MCF2L: variants seen among roughly 807,000 people sequenced by gnomAD.
The protein encoded by MCF2L is guanine nucleotide exchange factor DBS.
Under a neutral mutation model 153.4 loss-of-function variants are expected in MCF2L, and 97 were observed. The observed-to-expected ratio is 0.63, with a 90% CI of 0.54 to 0.75. The LOEUF (loss-of-function observed/expected upper bound fraction) is 0.75, where lower values mean the gene tolerates loss of function less well. Ranked by LOEUF, MCF2L falls within the 30% of genes least tolerant of loss-of-function variation. MCF2L has a pLI of 0.00. For missense variants in MCF2L, 1,347 were observed against 1,495.2 expected (o/e 0.90, Z 1.64); for synonymous variants, 659 against 632.2 (o/e 1.04, Z -0.64).
intron 1 of MCF2L, among the ~76,000 whole-genome samples, chr13:112,978,687 C>T (rs1330344633): frequency 6.6e-6 from 1 of 152,232 alleles, no homozygotes; most frequent in Non-Finnish European, 1.5e-5. Context: ...TCTTTTGCTG[C>T]AAACCAGATG....
chr13:113,001,585 C>T, intron 1 of MCF2L: 2 of 803,804 alleles, frequency 2.5e-6, no homozygotes, highest in Non-Finnish European at 3.3e-6. Flanking sequence ...TGTGGGGCCC[C>T]TGCAGGGAGG....
intron 3 of MCF2L, among the ~76,000 whole-genome samples, chr13:113,030,460 G>A (rs574304254): frequency 1.4e-5 from 2 of 144,084 alleles, no homozygotes; most frequent in African/African-American, 5.2e-5. Context: ...GTCCGCTGAC[G>A]CAGGTGTGGG....
chr13:112,917,412 A>G, intron 2 of MCF2L: 1 of 335,818 alleles, frequency 3.0e-6, no homozygotes, highest in South Asian at 2.3e-5. Flanking sequence ...TCCAGAACAG[A>G]TCCAGAATCC....
chr13:113,028,743 G>A lies in MCF2L; in HGVS notation c.278+3985G>A, dbSNP rs1212048478. On this transcript the variant is annotated intron_variant, in intron 3 of 29. Transcript: ENST00000535094. The surrounding 1 kb of genome is among the most constrained non-coding windows in gnomAD (Gnocchi z 5.4). ...GCTTCATTCAGCCATGAGCAGTGCT[G>A]CTGACCGTGGAGCTGTTTCCCCCAC... 2.6e-5 allele frequency among the ~76,000 whole-genome samples: 4 copies of A among 152,216 alleles called. No individual in the cohort carries two copies. Among genetic ancestry groups the A allele is most frequent in the Non-Finnish European group, 5.9e-5 (4 of 68,028 alleles).
chr13:113,090,829 G>A, intron 26 of MCF2L: 1 of 1,091,140 alleles, frequency 9.2e-7, no homozygotes, highest in Admixed American at 4.8e-5. Flanking sequence ...ACAGATTCTG[G>A]TGCTGCAAAC....
chr13:113,011,994 G>A (rs1364759305), intron 1 of MCF2L, among the ~76,000 whole-genome samples: 4 of 109,610 alleles, frequency 3.6e-5, no homozygotes, highest in East Asian at 3.2e-4. Context: ...TGGACACTGC[G>A]ATGAGGACGG....
At chr13:113,088,194 T>A (rs900233829) in intron 23 of MCF2L, 133 bp from the exon 24 acceptor site, 2 of 811,198 alleles carry the variant, frequency 2.5e-6, no homozygotes, top group Non-Finnish European at 4.3e-6. Context: ...AGTGCTTTCC[T>A]CCTCTCCCCT....
upstream of MCF2L, chr13:112,968,867 C>G (rs1021954187): frequency 2.2e-6 from 2 of 909,316 alleles, no homozygotes; most frequent in African/African-American, 3.5e-5. Flanking sequence ...CCGCGGGGCT[C>G]CCAGGGGACC....
chr13:112,959,347 G>A (rs945211658), intron 2 of MCF2L, among the ~76,000 whole-genome samples: 6 of 152,124 alleles, frequency 3.9e-5, no homozygotes, highest in Admixed American at 3.3e-4. Context: ...GGCTCTCATC[G>A]AGAGTTTCTC....
At chr13:113,016,368 G>A (rs989920531) in intron 2 of MCF2L, among the ~76,000 whole-genome samples, 3 of 152,284 alleles carry the variant, frequency 2.0e-5, no homozygotes, top group South Asian at 4.1e-4. Flanking sequence ...ACGGGCAGCC[G>A]CCAGGAACCC....
At chr13:112,968,614 C>T, upstream of MCF2L, 1 of 1,530,544 alleles carries the variant, frequency 6.5e-7, no homozygotes, top group Non-Finnish European at 8.7e-7. Flanking sequence ...CACGGACCTG[C>T]TTACCTGGGC....
At chr13:113,079,818 T>C (rs1215918332) in intron 15 of MCF2L, among the ~76,000 whole-genome samples, 2 of 66,706 alleles carry the variant, frequency 3.0e-5, no homozygotes, top group African/African-American at 5.5e-5. Context: ...AATGTCTGAA[T>C]GGAGGAGGGT....
At position 113,027,193 on chromosome 13, in the gene MCF2L, C is replaced by A. The variant is rs980562305; in HGVS notation, c.278+2435C>A. 4 of 627,262 alleles carry A rather than the reference C, an allele frequency of 6.4e-6. No homozygotes were observed. The African/African-American group carries it at 7.2e-5, about 11-fold the overall frequency. The allele number at this position is 627,262 out of a possible 1,614,324, so 38.9% of individuals were successfully genotyped here. On this transcript the variant is annotated intron_variant, in intron 3 of 29. Transcript: ENST00000535094. The surrounding 1 kb of genome is among the most constrained non-coding windows in gnomAD (Gnocchi z 4.8). ...TTCTTCATTCTTCAGTCTTTAAAGA[C>A]AACAGCGCACTGGGCCTGGTAACTG...
At chr13:113,060,831 C>T in intron 5 of MCF2L, 119 bp downstream of exon 5, 1 of 1,376,062 alleles carries the variant, frequency 7.3e-7, no homozygotes, top group Non-Finnish European at 9.9e-7. Context: ...TCAACAAAAC[C>T]CCGCAGGACC....
chr13:112,937,561 A>T (rs1308399566), intron 2 of MCF2L, among the ~76,000 whole-genome samples: 1 of 152,258 alleles, frequency 6.6e-6, no homozygotes, highest in African/African-American at 2.4e-5. Context: ...TGTGAAAGAA[A>T]GTATATTCCA....
chr13:112,909,827 G>A (rs2140518542), intron 2 of MCF2L: 1 of 153,630 alleles, frequency 6.5e-6, no homozygotes, highest in Middle Eastern at 3.4e-3. Flanking sequence ...TTTTAGTAGA[G>A]ATGGGGTTTC....
At chr13:113,084,681 C>T (rs1163248797) in intron 18 of MCF2L, 1 of 586,382 alleles carries the variant, frequency 1.7e-6, no homozygotes, top group Admixed American at 3.1e-5. Flanking sequence ...GACAGGGAGC[C>T]CCATTAATGG....
chr13:112,970,500 C>T (rs1476711099), intron 1 of MCF2L, among the ~76,000 whole-genome samples: 1 of 152,100 alleles, frequency 6.6e-6, no homozygotes, highest in Non-Finnish European at 1.5e-5. Flanking sequence ...GCCGTCTGCT[C>T]CCTGATTCTT....
rs1378744198 is a variant in MCF2L at position 113,078,380 on chromosome 13, G to A, written c.1678G>A (p.Glu560Lys). ...CPSPGIRRGS[E>K]NSSSEGGALR... ...CCCAACAGGCATTCGGCGAGGCTCTGAGAACTCCAGCTCCGAGGGCGGTGC... is the reference window on the plus strand; with the variant it reads ...CCCAACAGGCATTCGGCGAGGCTCTAAGAACTCCAGCTCCGAGGGCGGTGC... The change falls in exon 14 of 30, where the codon GAG becomes AAG. Residue 560 changes from glutamate to lysine, a missense_variant. Physicochemically the swap from Glu to Lys is moderately conservative, Grantham distance 56. This residue lies in a region of MCF2L where 820 missense variants were observed against 921.2 expected (regional missense o/e 0.89). Coordinates refer to ENST00000535094, the MANE Select transcript of MCF2L (RefSeq NM_001112732.3). 1 of 1,613,396 alleles carries A rather than the reference G, an allele frequency of 6.2e-7. No homozygotes were observed. Among genetic ancestry groups the A allele is most frequent in the Admixed American group, 1.7e-5 (1 of 60,014 alleles).
Sources: allele counts gnomAD v4.1 joint callset (sites outside exome capture counted in the v4.1 genomes callset), GRCh38; gene constraint gnomAD v4.1.1; regional missense constraint gnomAD v4.1.1; non-coding constraint Gnocchi (gnomAD v3.1); transcripts MANE v1.5; gene names NCBI Gene and HGNC (gene_info 2026-07-23, HGNC 2026-07-21).